Variants in SLC4A4 observed in about 807,000 individuals in gnomAD.
The protein encoded by SLC4A4 is electrogenic sodium bicarbonate cotransporter 1.
In SLC4A4, 27 loss-of-function variants were observed where a neutral mutation model predicts 111.5. The ratio of observed to expected loss-of-function variants is 0.24; its 90% CI spans 0.18 to 0.33. The LOEUF (loss-of-function observed/expected upper bound fraction) is 0.33, where lower values mean the gene tolerates loss of function less well. Among genes scored for constraint, SLC4A4 ranks in the 10% least tolerant of loss-of-function variants. The pLI is 1.00. For synonymous variants in SLC4A4, 443 were observed against 463.4 expected (o/e 0.96, Z 0.57); for missense variants, 909 against 1,315.5 (o/e 0.69, Z 4.78).
At chr4:71,373,284 T>C (rs1732048983) in intron 6 of SLC4A4, among the ~76,000 whole-genome samples, 1 of 152,212 alleles carries the variant, frequency 6.6e-6, no homozygotes, top group African/African-American at 2.4e-5. Context: ...GGGGGCAGAC[T>C]GGTTTGTCTA....
At chr4:71,244,663 G>T (rs1190219971) in intron 2 of SLC4A4, among the ~76,000 whole-genome samples, 2 of 152,078 alleles carry the variant, frequency 1.3e-5, no homozygotes, top group African/African-American at 4.8e-5. Flanking sequence ...TGCTGTGACT[G>T]CAGAACACTT....
chr4:71,357,939 A>C (rs988840366), intron 6 of SLC4A4, among the ~76,000 whole-genome samples: 1 of 152,198 alleles, frequency 6.6e-6, no homozygotes, highest in East Asian at 1.9e-4. Flanking sequence ...ATGGAAAATG[A>C]AGGTATGAAG....
At chr4:71,515,075 AG>A (rs1732260501) in intron 16 of SLC4A4, among the ~76,000 whole-genome samples, 1 of 151,616 alleles carries the variant, frequency 6.6e-6, no homozygotes, top group Admixed American at 6.6e-5. Context: ...GTGCATTTTT[AG>A]ATTGTTAACT....
chr4:71,086,885 G>A (rs1742192796), intron 1 of SLC4A4, among the ~76,000 whole-genome samples: 1 of 151,980 alleles, frequency 6.6e-6, no homozygotes, highest in South Asian at 2.1e-4. Context: ...TTGTGTCTCT[G>A]CCAGGCTTTG....
chr4:71,439,625 C>T (rs1724524999), intron 7 of SLC4A4, among the ~76,000 whole-genome samples: 1 of 151,558 alleles, frequency 6.6e-6, no homozygotes, highest in African/African-American at 2.4e-5. Flanking sequence ...TCTTGGTTTT[C>T]CTCCCCTTTT....
At chr4:71,148,705 A>G (rs1186569098) in intron 2 of SLC4A4, among the ~76,000 whole-genome samples, 1 of 152,158 alleles carries the variant, frequency 6.6e-6, no homozygotes, top group Non-Finnish European at 1.5e-5. Context: ...AGCTCCATCC[A>G]TGTTCCCGCA....
chr4:71,550,348 G>T (rs1439783281), intron 20 of SLC4A4, among the ~76,000 whole-genome samples: 1 of 151,884 alleles, frequency 6.6e-6, no homozygotes, highest in South Asian at 2.1e-4. Flanking sequence ...TACCATTGAG[G>T]TTTGGTAAGT....
In SLC4A4 at chr4:71,062,696, G is replaced by C. The variant is rs539411626; in HGVS notation, c.-157G>C. Among the ~76,000 whole-genome samples the C allele has an allele frequency of 4.6e-5, 7 of 152,282 alleles. 1 individual carries two copies. The highest frequency in any genetic ancestry group is 1.7e-4 in the African/African-American group (7 of 41,556). ...AGCGTGCATCATTCAGAAGATATAA[G>C]AAGCTTAGAAGGTAGAAAAGTGGAT... On this transcript the variant is annotated 5_prime_UTR_variant, in exon 1 of 27. Coordinates refer to the SLC4A4 transcript ENST00000649996.
upstream of SLC4A4, chr4:71,186,944 C>CT (rs1487768829): frequency 6.6e-6 from 1 of 152,478 alleles, no homozygotes; most frequent in Non-Finnish European, 1.5e-5. Context: ...CTCTTACACA[C>CT]TCGCTCGCCG....
chr4:71,361,815 G>A (rs1730814981), intron 6 of SLC4A4, among the ~76,000 whole-genome samples: 1 of 152,034 alleles, frequency 6.6e-6, no homozygotes, highest in African/African-American at 2.4e-5. Flanking sequence ...AAATAAACAT[G>A]TATTTAGTTT....
intron 6 of SLC4A4, among the ~76,000 whole-genome samples, chr4:71,383,641 C>A (rs1465211319): frequency 1.3e-5 from 2 of 152,114 alleles, no homozygotes; most frequent in East Asian, 3.9e-4. Context: ...GATTACAGGG[C>A]AAAGGGAAAG....
At chr4:71,566,807 A>C (rs1203671998) in intron 24 of SLC4A4, among the ~76,000 whole-genome samples, 197 bp from the exon 25 acceptor site, 3 of 151,702 alleles carry the variant, frequency 2.0e-5, no homozygotes, top group Admixed American at 1.3e-4. Context: ...ATCCCAGAAA[A>C]CCTAAAGTAA....
At chr4:71,547,043 A>C (rs916767684) in intron 19 of SLC4A4, among the ~76,000 whole-genome samples, 1 of 152,034 alleles carries the variant, frequency 6.6e-6, no homozygotes, top group Non-Finnish European at 1.5e-5. Context: ...AACTCTGCTC[A>C]TAAGTGCTTG....
chr4:71,569,648 TGAG>T lies in SLC4A4; in HGVS notation c.*1899_*1901del, dbSNP rs1737783256. ...ATATATCCTAACTATAACCAGTTGT[TGAG>T]GGGTATACTAGAAGCAGAATGAAAC... On this transcript the variant is annotated 3_prime_UTR_variant, in exon 26 of 26. Transcript: ENST00000264485. 6.6e-6 allele frequency: 1 copy of T among 151,708 alleles called. No homozygotes were observed. The highest frequency in any genetic ancestry group is 1.5e-5 in the Non-Finnish European group (1 of 67,778). 9.4% of individuals were successfully genotyped at this position (151,708 alleles called of 1,614,324 possible).
intron 23 of SLC4A4, 48 bp from the exon 24 acceptor site, chr4:71,563,745 G>T: frequency 1.8e-6 from 2 of 1,109,244 alleles, no homozygotes; most frequent in East Asian, 4.7e-5. Context: ...GATAGGAAGG[G>T]CTGTATAATA....
intron 2 of SLC4A4, among the ~76,000 whole-genome samples, chr4:71,244,936 C>T (rs903320674): frequency 1.3e-5 from 2 of 152,014 alleles, no homozygotes; most frequent in African/African-American, 4.8e-5. Context: ...TATTTAAGGA[C>T]ACAAGGTTAG....
chr4:71,097,219 TTGTGTTCA>T (rs1460821718), intron 2 of SLC4A4, among the ~76,000 whole-genome samples: 1 of 152,122 alleles, frequency 6.6e-6, no homozygotes, highest in African/African-American at 2.4e-5. Flanking sequence ...GTTTCCCTCT[TTGTGTTCA>T]TGAGTGCTCC....
chr4:71,087,355 G>C (rs941722712), intron 1 of SLC4A4, among the ~76,000 whole-genome samples: 29 of 151,788 alleles, frequency 1.9e-4, no homozygotes, highest in Non-Finnish European at 3.8e-4. Flanking sequence ...CAAAAAACCA[G>C]CTCCTGGATT....
intron 1 of SLC4A4, among the ~76,000 whole-genome samples, chr4:71,193,749 T>G (rs564200499): frequency 4.6e-5 from 7 of 152,354 alleles, no homozygotes; most frequent in African/African-American, 1.7e-4. Flanking sequence ...TTGTTCATGT[T>G]TTTTGCTCCT....
Sources: gnomAD v4.1 joint callset for allele counts (sites outside exome capture counted in the v4.1 genomes callset) on GRCh38, gnomAD v4.1.1 for gene constraint, MANE v1.5 for transcripts, NCBI Gene and HGNC (gene_info 2026-07-23, HGNC 2026-07-21) for gene names.